PHTF2: variants seen among roughly 807,000 people sequenced by gnomAD.
PHTF2 encodes the protein putative homeodomain transcription factor 2.
PHTF2 carries 60 observed loss-of-function variants against 101.2 expected under a neutral mutation model. The ratio of observed to expected loss-of-function variants is 0.59; its 90% confidence interval spans 0.48 to 0.73. PHTF2 has a LOEUF of 0.73. PHTF2 is among the 30% of genes least tolerant of loss of function. The pLI is 0.00. For missense variants in PHTF2, 747 were observed against 908.7 expected, an observed-to-expected ratio of 0.82 and a Z score of 2.29; for synonymous variants, 311 against 307.3, an observed-to-expected ratio of 1.01 and a Z score of -0.13.
intron 5 of PHTF2, among the ~76,000 whole-genome samples, chr7:77,894,614 A>G (rs2150804849): frequency 6.6e-6 from 1 of 152,324 alleles, no homozygotes; most frequent in South Asian, 2.1e-4. Flanking sequence ...ATATAGGATT[A>G]AGTCCTGGGA....
At chr7:77,951,847 A>G in intron 18 of PHTF2, 135 bp downstream of exon 17, 1 of 551,308 alleles carries the variant, frequency 1.8e-6, no homozygotes, top group South Asian at 2.3e-5. Context: ...ACTTGTGCAC[A>G]TACATACAAT....
intron 9 of PHTF2, among the ~76,000 whole-genome samples, chr7:77,917,876 T>TA (rs1337936723): frequency 2.0e-4 from 30 of 152,352 alleles, no homozygotes; most frequent in African/African-American, 7.2e-4. Context: ...GTTTGCAACT[T>TA]ACCTTCATAG....
intron 16 of PHTF2, 143 bp from the exon 16 acceptor site, chr7:77,949,534 TG>T (rs1806358173): frequency 3.5e-6 from 2 of 566,342 alleles, no homozygotes; most frequent in African/African-American, 3.8e-5. Context: ...TCTATACTTT[TG>T]ATATGCTTAA....
chr7:77,836,643 G>C (rs1440047323), intron 1 of PHTF2, among the ~76,000 whole-genome samples: 1 of 152,140 alleles, frequency 6.6e-6, no homozygotes, highest in African/African-American at 2.4e-5. Context: ...ATACTATGCA[G>C]CCATAAAAAA....
intron 7 of PHTF2, among the ~76,000 whole-genome samples, chr7:77,907,420 A>G (rs981493214): frequency 6.6e-6 from 1 of 152,194 alleles, no homozygotes; most frequent in African/African-American, 2.4e-5. Context: ...ACTAAATGCA[A>G]ACTAGCTTTT....
chr7:77,802,474 T>C (rs1263978176), intron 1 of PHTF2, among the ~76,000 whole-genome samples: 4 of 151,626 alleles, frequency 2.6e-5, no homozygotes, highest in Non-Finnish European at 4.4e-5. Flanking sequence ...GGAGTCATTA[T>C]TGTGAACTCC....
At chr7:77,852,181 C>T (rs896566160) in intron 2 of PHTF2, among the ~76,000 whole-genome samples, 4 of 152,084 alleles carry the variant, frequency 2.6e-5, no homozygotes, top group Non-Finnish European at 4.4e-5. Context: ...ATGTGCCACC[C>T]ACCTGGCTAA....
At chr7:77,850,656 AAAAAG>A (rs1562873893) in intron 2 of PHTF2, among the ~76,000 whole-genome samples, 1 of 151,610 alleles carries the variant, frequency 6.6e-6, no homozygotes, top group East Asian at 1.9e-4. Flanking sequence ...AAAAAAAAAA[AAAAAG>A]AAAAGTGATC....
At chr7:77,875,553 TTTA>T (rs869272746) in intron 3 of PHTF2, among the ~76,000 whole-genome samples, 29 of 104,560 alleles carry the variant, frequency 2.8e-4, no homozygotes, top group African/African-American at 4.1e-4. Flanking sequence ...TATTTATTTA[TTTA>T]TTATTATTAT....
chr7:77,922,652 T>C (rs753146139), exon 11 of PHTF2: 1 of 1,611,152 alleles, frequency 6.2e-7, no homozygotes, highest in Non-Finnish European at 8.5e-7. Context: ...CAAATGTCTC[T>C]GATGAAGTCT....
At chr7:77,925,305 G>T (rs848489) in intron 11 of PHTF2, among the ~76,000 whole-genome samples, 1 of 151,706 alleles carries the variant, frequency 6.6e-6, no homozygotes, top group Non-Finnish European at 1.5e-5. Context: ...AGTTTTAGGC[G>T]TCTAAAGATT....
chr7:77,852,756 T>C (rs1796870894), intron 2 of PHTF2, among the ~76,000 whole-genome samples: 1 of 152,242 alleles, frequency 6.6e-6, no homozygotes, highest in Non-Finnish European at 1.5e-5. Context: ...TTAGCATTTC[T>C]TGAAGGACAG....
rs550751609 is a variant in PHTF2 at position 77,828,738 on chromosome 7, C to T, written c.-35-11483C>T. Among the ~76,000 whole-genome samples, 7 of 151,984 alleles carry T rather than the reference C, an allele frequency of 4.6e-5. No homozygotes were observed. In the East Asian group the frequency reaches 5.8e-4, roughly 13 times the overall value. On this transcript the variant is annotated intron_variant, in intron 1 of 19. Coordinates refer to ENST00000416283, the Ensembl canonical transcript of PHTF2. ...CAAAAATTAGCTGGGCGTGGTGGTGCGCACCTGTAATCCCAGCTACTCGGG... is the reference window on the plus strand; with the variant it reads ...CAAAAATTAGCTGGGCGTGGTGGTGTGCACCTGTAATCCCAGCTACTCGGG...
At chr7:77,935,127 C>G (rs796572606) in intron 12 of PHTF2, among the ~76,000 whole-genome samples, 1,043 of 68,442 alleles carry the variant, frequency 0.015, 39 homozygotes, top group African/African-American at 0.041. Context: ...CATTCCCCCC[C>G]CCCACACACA....
chr7:77,859,526 G>T (rs1254156470), intron 3 of PHTF2, among the ~76,000 whole-genome samples: 3 of 150,068 alleles, frequency 2.0e-5, no homozygotes, highest in African/African-American at 7.3e-5. Context: ...AAGATACCTT[G>T]CAAAACAGGA....
At chr7:77,877,057 G>T (rs1305606177) in intron 3 of PHTF2, among the ~76,000 whole-genome samples, 2 of 150,708 alleles carry the variant, frequency 1.3e-5, no homozygotes, top group Admixed American at 6.6e-5. Flanking sequence ...ATTTAAATAA[G>T]ATATATTTGA....
intron 1 of PHTF2, among the ~76,000 whole-genome samples, chr7:77,814,449 A>T (rs1584370977): frequency 6.6e-6 from 1 of 152,166 alleles, no homozygotes; most frequent in East Asian, 1.9e-4. Context: ...TCTCTGTAAG[A>T]CACATTAAAT....
chr7:77,940,254 G>T (rs759227722), exon 14 of PHTF2: 1 of 1,613,594 alleles, frequency 6.2e-7, no homozygotes, highest in South Asian at 1.1e-5. Context: ...TGTCTCTTGT[G>T]TGGATTTTCT....
chr7:77,928,995 G>GA, intron 11 of PHTF2, 114 bp from the exon 11 acceptor site: 1 of 659,134 alleles, frequency 1.5e-6, no homozygotes, highest in Non-Finnish European at 2.7e-6. Flanking sequence ...ACTATCTTTT[G>GA]AGGGTGTATT....
Sources: allele counts gnomAD v4.1 joint callset (sites outside exome capture counted in the v4.1 genomes callset), GRCh38; gene constraint gnomAD v4.1.1; transcripts MANE v1.5; gene names NCBI Gene and HGNC (gene_info 2026-07-23, HGNC 2026-07-21).